Variants in ABCA12 observed in about 807,000 individuals in gnomAD.
ABCA12 encodes ATP binding cassette subfamily A member 12, also known as glucosylceramide transporter ABCA12.
ABCA12 carries 156 observed loss-of-function variants against 293.5 expected under a neutral mutation model. The observed-to-expected ratio is 0.53, with a 90% CI of 0.47 to 0.61. The LOEUF is 0.61. Among genes scored for constraint, ABCA12 ranks in the 20% least tolerant of loss-of-function variants. The pLI is 0.00. For missense variants in ABCA12, 2,797 were observed against 3,090.2 expected, an observed-to-expected ratio of 0.91 and a Z score of 2.25; for synonymous variants, 1,063 against 1,108.0, an observed-to-expected ratio of 0.96 and a Z score of 0.81.
intron 3 of ABCA12, among the ~76,000 whole-genome samples, chr2:215,061,961 G>A (rs1341924273): frequency 6.6e-6 from 1 of 152,010 alleles, no homozygotes; most frequent in Non-Finnish European, 1.5e-5. Flanking sequence ...GTCCCTTATA[G>A]TTCTTTGTAA....
intron 2 of ABCA12, among the ~76,000 whole-genome samples, chr2:215,068,272 T>C (rs1384402594): frequency 6.6e-6 from 1 of 152,172 alleles, no homozygotes; most frequent in Non-Finnish European, 1.5e-5. Context: ...TGATGCACAG[T>C]GAAGTTTGGG....
chr2:215,055,101 CT>C (rs1701394175), intron 3 of ABCA12, among the ~76,000 whole-genome samples: 1 of 151,982 alleles, frequency 6.6e-6, no homozygotes, highest in Non-Finnish European at 1.5e-5. Flanking sequence ...TATAGATGGC[CT>C]TTTAAAGATT....
chr2:215,117,289 T>C (rs1403286645), intron 1 of ABCA12, among the ~76,000 whole-genome samples: 6 of 152,172 alleles, frequency 3.9e-5, no homozygotes, highest in African/African-American at 1.4e-4. Flanking sequence ...ATCAAGAAAT[T>C]CTATCCTGTT....
intron 2 of ABCA12, among the ~76,000 whole-genome samples, chr2:215,076,260 CT>C (rs1311965056): frequency 1.3e-5 from 2 of 152,170 alleles, no homozygotes; most frequent in East Asian, 3.9e-4. Flanking sequence ...CTCCCTCTCT[CT>C]TCGCAGATCC....
chr2:215,045,224 A>G (rs148416299), intron 7 of ABCA12, among the ~76,000 whole-genome samples: 35 of 152,296 alleles, frequency 2.3e-4, no homozygotes, highest in Non-Finnish European at 4.9e-4. Context: ...AACTCTAAAT[A>G]CTGGCCGTGC....
chr2:215,077,396 T>C (rs994773548), intron 2 of ABCA12, among the ~76,000 whole-genome samples: 4 of 152,200 alleles, frequency 2.6e-5, no homozygotes, highest in Non-Finnish European at 5.9e-5. Flanking sequence ...AGTTGATAAA[T>C]TCCATTCTTT....
At chr2:215,062,049 T>C (rs1472332946) in intron 3 of ABCA12, among the ~76,000 whole-genome samples, 1 of 152,060 alleles carries the variant, frequency 6.6e-6, no homozygotes, top group Non-Finnish European at 1.5e-5. Context: ...AAAATGTCTG[T>C]CTCAAGTAAA....
rs1700343369 is a variant in ABCA12 at position 215,010,300 on chromosome 2, CA to C, written c.2472+30del. On this transcript the variant is annotated intron_variant, in intron 18 of 52. Coordinates refer to ENST00000272895, the MANE Select transcript of ABCA12 (RefSeq NM_173076.3). ...CTACTTTAAAAAACATCTTAATAGTCAAAATAGAAACTGAGTTATAATGGTC... is the reference window on the plus strand; with the variant it reads ...CTACTTTAAAAAACATCTTAATAGTCAAATAGAAACTGAGTTATAATGGTC... 1.9e-6 allele frequency: 3 copies of C among 1,612,644 alleles called. No homozygotes were observed. The South Asian group carries it at 3.3e-5, about 18-fold the overall frequency.
chr2:215,044,787 A>G (rs1701168067), intron 7 of ABCA12, among the ~76,000 whole-genome samples: 1 of 152,216 alleles, frequency 6.6e-6, no homozygotes, highest in African/African-American at 2.4e-5. Context: ...TCTGAGAATC[A>G]AATGAGATTG....
intron 50 of ABCA12, among the ~76,000 whole-genome samples, chr2:214,941,636 T>C (rs924522786): frequency 1.3e-5 from 2 of 152,174 alleles, no homozygotes; most frequent in African/African-American, 2.4e-5. Context: ...GGTGCTCCTG[T>C]ATTGGGTGCA....
At chr2:215,134,457 TATATGC>T (rs1312189972) in intron 1 of ABCA12, among the ~76,000 whole-genome samples, 1 of 145,968 alleles carries the variant, frequency 6.9e-6, no homozygotes, top group Non-Finnish European at 1.5e-5. Context: ...TATATGTACA[TATATGC>T]ATATGTGTAT....
chr2:214,966,343 G>GT (rs1162375118), intron 39 of ABCA12, among the ~76,000 whole-genome samples: 1 of 152,130 alleles, frequency 6.6e-6, no homozygotes, highest in Non-Finnish European at 1.5e-5. Flanking sequence ...CATGGCACAT[G>GT]TTTACCTATG....
intron 2 of ABCA12, among the ~76,000 whole-genome samples, chr2:215,107,911 T>C (rs1702495344): frequency 6.6e-6 from 1 of 152,110 alleles, no homozygotes; most frequent in Non-Finnish European, 1.5e-5. Context: ...CTGATGAGAG[T>C]TGTGAAAGTC....
chr2:214,964,272 T>C (rs572023501), intron 39 of ABCA12, among the ~76,000 whole-genome samples: 17 of 152,254 alleles, frequency 1.1e-4, no homozygotes, highest in East Asian at 3.9e-4. Context: ...GCCAATATCA[T>C]ACTGAATGGG....
At chr2:215,102,049 C>T (rs1702368315) in intron 2 of ABCA12, among the ~76,000 whole-genome samples, 1 of 149,792 alleles carries the variant, frequency 6.7e-6, no homozygotes, top group Non-Finnish European at 1.5e-5. Flanking sequence ...GTGTGTGTGC[C>T]TATGTATGTG....
At chr2:215,062,387 G>A (rs893989403) in intron 3 of ABCA12, among the ~76,000 whole-genome samples, 3 of 151,924 alleles carry the variant, frequency 2.0e-5, no homozygotes, top group Non-Finnish European at 2.9e-5. Context: ...TTGCACACCG[G>A]TGCTCATTGA....
intron 1 of ABCA12, among the ~76,000 whole-genome samples, chr2:215,129,883 C>A (rs1399139494): frequency 1.3e-5 from 2 of 152,148 alleles, no homozygotes; most frequent in African/African-American, 2.4e-5. Flanking sequence ...GGTCTTTAAT[C>A]CATCTTGAGT....
Position 214,937,584 on chromosome 2 carries a change from A to C in ABCA12, c.7468T>G (p.Leu2490Val). The stretch of plus-strand genomic sequence containing the variant: ...TCCATGGTCACTTTGTTATTCTTCA[A>C]GTGAACTTTGACAGTAAATCCTCGT... ...FGRGFTVKVH[L>V]KNNKVTMETL... Residue 2490 changes from leucine to valine, a missense_variant, in exon 51 of 53, where the codon TTG becomes GTG. Transcript: ENST00000272895. The C allele has an allele frequency of 6.2e-7, 1 of 1,613,970 alleles. No individual in the cohort carries two copies. Among genetic ancestry groups the C allele is most frequent in the Non-Finnish European group, 8.5e-7 (1 of 1,179,886 alleles).
At chr2:214,967,511 A>G (rs1420127276) in intron 38 of ABCA12, among the ~76,000 whole-genome samples, 3 of 152,172 alleles carry the variant, frequency 2.0e-5, no homozygotes, top group Admixed American at 6.6e-5. Context: ...GTGAACCTCA[A>G]TTCAAGAAAC....
Sources: allele counts gnomAD v4.1 joint callset (sites outside exome capture counted in the v4.1 genomes callset), GRCh38; gene constraint gnomAD v4.1.1; transcripts MANE v1.5; gene names NCBI Gene and HGNC (gene_info 2026-07-23, HGNC 2026-07-21).